The following PPP6R3 variants were observed in gnomAD, a reference collection of about 807,000 sequenced individuals.
PPP6R3 encodes the protein protein phosphatase 6 regulatory subunit 3, also known as serine/threonine-protein phosphatase 6 regulatory subunit 3.
Under a neutral mutation model 110.7 loss-of-function variants are expected in PPP6R3, and 38 were observed. The observed-to-expected ratio is 0.34, with a 90% CI of 0.26 to 0.45. The LOEUF (loss-of-function observed/expected upper bound fraction) is 0.45, where lower values mean the gene tolerates loss of function less well. Ranked by LOEUF, PPP6R3 falls within the 20% of genes least tolerant of loss-of-function variation. PPP6R3 has a pLI of 1.00. For synonymous variants in PPP6R3, 369 were observed against 373.5 expected (o/e 0.99, Z 0.14); for missense variants, 870 against 1,062.4 (o/e 0.82, Z 2.52).
At chr11:68,499,290 A>G (rs2099035687) in intron 1 of PPP6R3, among the ~76,000 whole-genome samples, 1 of 152,108 alleles carries the variant, frequency 6.6e-6, no homozygotes, top group African/African-American at 2.4e-5. Context: ...TGAAGCCTTC[A>G]TGGATCCGCT....
intron 8 of PPP6R3, among the ~76,000 whole-genome samples, chr11:68,560,688 C>G (rs934651099): frequency 6.6e-6 from 1 of 152,204 alleles, no homozygotes; most frequent in East Asian, 1.9e-4. Context: ...ATGTAGCCAG[C>G]ATCACTTTGA....
intron 21 of PPP6R3, 116 bp from the exon 22 acceptor site, chr11:68,603,226 C>T (rs2099637193): frequency 3.0e-6 from 4 of 1,349,538 alleles, no homozygotes; most frequent in Admixed American, 2.2e-5. Context: ...AGCCATCTCA[C>T]TCTTTTTTTT....
intron 16 of PPP6R3, among the ~76,000 whole-genome samples, chr11:68,588,280 C>T (rs962623293): frequency 6.6e-6 from 1 of 152,020 alleles, no homozygotes; most frequent in Admixed American, 6.6e-5. Context: ...AGGCGGATCA[C>T]TTGAGGTCAG....
chr11:68,492,508 A>G (rs148376758), intron 1 of PPP6R3, among the ~76,000 whole-genome samples: 1 of 152,292 alleles, frequency 6.6e-6, no homozygotes, highest in Non-Finnish European at 1.5e-5. Flanking sequence ...TTGGTTATCC[A>G]TTTATCCATC....
At chr11:68,590,619 G>A (rs1566055859) in intron 16 of PPP6R3, 41 bp from the exon 17 acceptor site, 3 of 1,512,904 alleles carry the variant, frequency 2.0e-6, no homozygotes, top group East Asian at 4.6e-5. Flanking sequence ...TGAGCTGATA[G>A]TAATTAATGC....
intron 1 of PPP6R3, among the ~76,000 whole-genome samples, chr11:68,507,427 A>G (rs1449523602): frequency 6.6e-6 from 1 of 152,046 alleles, no homozygotes; most frequent in African/African-American, 2.4e-5. Context: ...TTATTTATCA[A>G]CAGTCATGGA....
chr11:68,567,344 G>A (rs75293838), intron 10 of PPP6R3, among the ~76,000 whole-genome samples, 178 bp downstream of exon 10: 7,298 of 152,206 alleles, frequency 0.048, 628 homozygotes, highest in African/African-American at 0.17. Flanking sequence ...GCTTATAATT[G>A]TTCACTAGGC....
chr11:68,599,799 G>GT (rs2099625182), intron 19 of PPP6R3, among the ~76,000 whole-genome samples: 1 of 152,182 alleles, frequency 6.6e-6, no homozygotes, highest in African/African-American at 2.4e-5. Context: ...GAATCTCTGT[G>GT]TAGTATTTCT....
At chr11:68,476,467 G>A (rs1227786917) in intron 1 of PPP6R3, among the ~76,000 whole-genome samples, 1 of 149,850 alleles carries the variant, frequency 6.7e-6, no homozygotes, top group African/African-American at 2.5e-5. Flanking sequence ...GAGGGGGGAG[G>A]GGGAGGGGGA....
chr11:68,594,072 G>C (rs945626587), intron 18 of PPP6R3, among the ~76,000 whole-genome samples: 7 of 152,034 alleles, frequency 4.6e-5, no homozygotes, highest in African/African-American at 1.7e-4. Context: ...AAAAGAACAA[G>C]ATATGTTAAC....
chr11:68,509,296 G>A (rs1387911410), intron 1 of PPP6R3, among the ~76,000 whole-genome samples: 2 of 152,066 alleles, frequency 1.3e-5, no homozygotes, highest in Non-Finnish European at 2.9e-5. Context: ...TTTTTTTAGT[G>A]GTGTTGTGCT....
chr11:68,605,549 C>A (rs1346529799), intron 22 of PPP6R3, among the ~76,000 whole-genome samples: 1 of 152,092 alleles, frequency 6.6e-6, no homozygotes, highest in Admixed American at 6.5e-5. Flanking sequence ...TTTTAGAAGA[C>A]AACAAAAGAG....
At position 68,538,885 on chromosome 11, in the gene PPP6R3, T is replaced by C. The variant is rs186778564; in HGVS notation, c.227+994T>C. ...CTGTAATCCCAGCACTGTGGGAAGC[T>C]GAGGCAGGTGGATCACCTGAGGTCA... On this transcript the variant is annotated intron_variant, in intron 3 of 23. Coordinates refer to ENST00000393800, the MANE Select transcript of PPP6R3 (RefSeq NM_001164161.2). Among the ~76,000 whole-genome samples, 115 of 152,272 alleles carry C rather than the reference T, an allele frequency of 7.6e-4. 1 individual carries two copies. Among genetic ancestry groups the C allele is most frequent in the Middle Eastern group, 6.8e-3 (2 of 294 alleles).
At chr11:68,581,441 T>C (rs993368127) in intron 14 of PPP6R3, among the ~76,000 whole-genome samples, 2 of 152,260 alleles carry the variant, frequency 1.3e-5, no homozygotes, top group Non-Finnish European at 2.9e-5. Context: ...AAGACTTGGC[T>C]AAGAGTCGCC....
rs754505479 is a variant in PPP6R3 at position 68,569,815 on chromosome 11, T to C, written c.1196T>C (p.Ile399Thr). ...CAAGTGGAAATTTGTATTGCACTGA[T>C]TCTTGCAAGTCCTTTTGAAAACACA... ...HTQVEICIAL[I>T]LASPFENTEN... Residue 399 changes from isoleucine (I) to threonine (T), a missense_variant, in exon 11 of 24, where the codon ATT (isoleucine) becomes ACT (threonine). Transcript: ENST00000393800. 9.0e-5 allele frequency: 145 copies of C among 1,611,270 alleles called. 1 individual carries two copies. The highest frequency in any genetic ancestry group is 1.1e-4 in the Non-Finnish European group (132 of 1,177,898).
chr11:68,570,342 T>G (rs114203500), intron 11 of PPP6R3, among the ~76,000 whole-genome samples: 3,625 of 152,300 alleles, frequency 0.024, 128 homozygotes, highest in African/African-American at 0.08. Flanking sequence ...CTGTCAAATA[T>G]GAGATAATTT....
At chr11:68,514,804 T>C (rs144337581) in intron 1 of PPP6R3, among the ~76,000 whole-genome samples, 2,211 of 152,234 alleles carry the variant, frequency 0.015, 34 homozygotes, top group Non-Finnish European at 0.022. Flanking sequence ...AGGCTGGTCT[T>C]GAACTCCTGA....
intron 1 of PPP6R3, among the ~76,000 whole-genome samples, chr11:68,480,402 T>C (rs2098897961): frequency 6.6e-6 from 1 of 152,244 alleles, no homozygotes. Context: ...TACCAGACAC[T>C]GTCTGGGCAC....
At chr11:68,550,864 A>G (rs2099368740) in intron 5 of PPP6R3, 2 of 372,120 alleles carry the variant, frequency 5.4e-6, no homozygotes, top group South Asian at 1.2e-4. Context: ...CCTCATGGCT[A>G]AGAAGCTGAT....
Sources: gnomAD v4.1 joint callset for allele counts (sites outside exome capture counted in the v4.1 genomes callset) on GRCh38, gnomAD v4.1.1 for gene constraint, MANE v1.5 for transcripts, NCBI Gene and HGNC (gene_info 2026-07-23, HGNC 2026-07-21) for gene names.